Variants in STRBP observed in about 807,000 individuals in gnomAD.
STRBP encodes the protein spermatid perinuclear RNA-binding protein.
A neutral mutation model predicts 80.1 loss-of-function variants in STRBP; 13 were observed. The ratio of observed to expected loss-of-function variants is 0.16; its 90% CI spans 0.11 to 0.26. The LOEUF is 0.26. STRBP is among the 10% of genes least tolerant of loss of function. The pLI, the probability that STRBP is intolerant of heterozygous loss-of-function variation, is 1.00. For missense variants in STRBP, 485 were observed against 815.2 expected (o/e 0.59, Z 4.93); for synonymous variants, 284 against 291.2 (o/e 0.98, Z 0.25).
intron 2 of STRBP, among the ~76,000 whole-genome samples, chr9:123,193,693 A>G: frequency 6.6e-6 from 1 of 151,786 alleles, no homozygotes; most frequent in East Asian, 1.9e-4. Flanking sequence ...TAATGCTACC[A>G]CTTTTCACAG....
chr9:123,217,311 G>T (rs548219174), intron 2 of STRBP, among the ~76,000 whole-genome samples: 1 of 151,982 alleles, frequency 6.6e-6, no homozygotes, highest in African/African-American at 2.4e-5. Flanking sequence ...ATGGTTAAAG[G>T]TTAGGAAAAC....
At chr9:123,169,646 A>C (rs2037924163) in intron 6 of STRBP, among the ~76,000 whole-genome samples, 1 of 152,196 alleles carries the variant, frequency 6.6e-6, no homozygotes, top group Admixed American at 6.5e-5. Flanking sequence ...ATAAAAATTA[A>C]AGCAGAGTTA....
chr9:123,265,948 T>C (rs755108632), intron 1 of STRBP, among the ~76,000 whole-genome samples: 1 of 152,248 alleles, frequency 6.6e-6, no homozygotes, highest in Non-Finnish European at 1.5e-5. Context: ...ACATTACTTC[T>C]GTCTGCCTAT....
chr9:123,252,612 T>C (rs2040940345), intron 1 of STRBP, among the ~76,000 whole-genome samples: 1 of 152,222 alleles, frequency 6.6e-6, no homozygotes, highest in Admixed American at 6.5e-5. Context: ...AGTATTTAGA[T>C]ATTAGCGAAA....
At chr9:123,201,905 G>A (rs1089996) in intron 2 of STRBP, among the ~76,000 whole-genome samples, 93,996 of 152,086 alleles carry the variant, frequency 0.62, 35,948 homozygotes, top group Non-Finnish European at 0.85. Flanking sequence ...AGCAGTAATC[G>A]TTTTACAAAT....
chr9:123,245,481 C>T (rs1450025570), intron 1 of STRBP, among the ~76,000 whole-genome samples: 3 of 152,334 alleles, frequency 2.0e-5, no homozygotes, highest in South Asian at 4.1e-4. Context: ...GCTCCGCCTC[C>T]CCGGTTCACA....
intron 1 of STRBP, among the ~76,000 whole-genome samples, chr9:123,264,225 G>A (rs1395430252): frequency 6.6e-6 from 1 of 152,208 alleles, no homozygotes; most frequent in African/African-American, 2.4e-5. Context: ...GAAGGCCTCT[G>A]TCTCTGGAAA....
rs41278250 is a variant in STRBP, at chr9:123,132,854, T to C, written c.1888A>G (p.Ile630Val). Residue 630 changes from isoleucine (I) to valine (V), a missense_variant, in exon 17 of 19, where the codon ATA becomes GTA. Coordinates refer to ENST00000348403, the MANE Select transcript of STRBP (RefSeq NM_018387.5). The part of the protein sequence containing the change: ...FVGATAAPGY[I>V]APGYGTPYGY... ...GCAGTTTGTACTATACCTGGAGCTA[T>C]GTAGCCAGGAGCAGCTGTCGCCCCA... 4 of 1,613,988 alleles carry C rather than the reference T, an allele frequency of 2.5e-6. No homozygotes were observed. The highest frequency in any genetic ancestry group is 1.7e-5 in the Admixed American group (1 of 59,996).
In STRBP at chr9:123,173,746, T is replaced by G; in HGVS notation, c.321A>C (p.Leu107Phe). The G allele has an allele frequency of 6.2e-7, 1 of 1,613,998 alleles. No individual in the cohort carries two copies. Among genetic ancestry groups the G allele is most frequent in the African/African-American group, 1.3e-5 (1 of 75,042 alleles). ...IKDDMDLELV[L>F]MCKDKPTETL... ...TCTCTGTGGGTTTGTCTTTGCACAT[T>G]AAAACCAGCTCCAAGTCCATATCAT... Residue 107 changes from leucine to phenylalanine, a missense_variant, in exon 5 of 19, where the codon TTA (leucine) becomes TTC (phenylalanine). Around this residue, in one of 3 missense-constraint regions of STRBP, gnomAD observed 377 missense variants for 616.1 expected, o/e 0.61. Transcript: ENST00000348403.
At chr9:123,184,737 T>C (rs58468792) in intron 2 of STRBP, among the ~76,000 whole-genome samples, 5 of 152,348 alleles carry the variant, frequency 3.3e-5, no homozygotes, top group East Asian at 1.9e-4. Context: ...TGCTTTTACA[T>C]TGGATACTGC....
chr9:123,146,061 C>T (rs571550040), intron 13 of STRBP, among the ~76,000 whole-genome samples: 41 of 151,818 alleles, frequency 2.7e-4, no homozygotes, highest in Non-Finnish European at 5.6e-4. Flanking sequence ...ACTAATAATA[C>T]ATACAAAATG....
At chr9:123,162,724 A>G (rs2037574902) in intron 6 of STRBP, among the ~76,000 whole-genome samples, 1 of 152,204 alleles carries the variant, frequency 6.6e-6, no homozygotes, top group Non-Finnish European at 1.5e-5. Context: ...ATCAGAATAC[A>G]ATGTTTCATT....
intron 2 of STRBP, among the ~76,000 whole-genome samples, chr9:123,186,448 A>C (rs1265577793): frequency 6.6e-6 from 1 of 152,186 alleles, no homozygotes; most frequent in African/African-American, 2.4e-5. Context: ...TGAAAAGTAC[A>C]GCACTCCACA....
At chr9:123,218,781 C>T (rs1217312456) in intron 2 of STRBP, among the ~76,000 whole-genome samples, 1 of 152,086 alleles carries the variant, frequency 6.6e-6, no homozygotes, top group Non-Finnish European at 1.5e-5. Context: ...TTATGATTAA[C>T]CATGTGCCAG....
intron 1 of STRBP, among the ~76,000 whole-genome samples, chr9:123,247,098 C>CAATG (rs2040814695): frequency 6.6e-6 from 1 of 151,998 alleles, no homozygotes; most frequent in African/African-American, 2.4e-5. Context: ...AAATACCAAT[C>CAATG]AATGAATTTA....
At chr9:123,217,120 C>T (rs2039924172) in intron 2 of STRBP, among the ~76,000 whole-genome samples, 1 of 152,122 alleles carries the variant, frequency 6.6e-6, no homozygotes, top group African/African-American at 2.4e-5. Flanking sequence ...TTTAGTATTA[C>T]ATATAAATAC....
At chr9:123,159,874 G>A (rs937223778) in intron 8 of STRBP, among the ~76,000 whole-genome samples, 5 of 152,166 alleles carry the variant, frequency 3.3e-5, no homozygotes, top group African/African-American at 1.2e-4. Context: ...GGGGTTAAGT[G>A]TACTGTTTGC....
At chr9:123,171,615 A>G (rs957800696) in intron 5 of STRBP, among the ~76,000 whole-genome samples, 5 of 152,180 alleles carry the variant, frequency 3.3e-5, no homozygotes, top group African/African-American at 4.8e-5. Flanking sequence ...TATACATTTT[A>G]ATCTGAGATT....
intron 5 of STRBP, among the ~76,000 whole-genome samples, chr9:123,170,365 T>C (rs2037956379): frequency 6.6e-6 from 1 of 152,218 alleles, no homozygotes; most frequent in Non-Finnish European, 1.5e-5. Flanking sequence ...AATGGTAAAT[T>C]GTTGTTCTTA....
Sources: allele counts gnomAD v4.1 joint callset (sites outside exome capture counted in the v4.1 genomes callset), GRCh38; gene constraint gnomAD v4.1.1; regional missense constraint gnomAD v4.1.1; transcripts MANE v1.5; gene names NCBI Gene and HGNC (gene_info 2026-07-23, HGNC 2026-07-21).